The following FBXL7 variants were observed in gnomAD, a reference collection of about 807,000 sequenced individuals.
The protein encoded by FBXL7 is F-box/LRR-repeat protein 7.
A neutral mutation model predicts 38.3 loss-of-function variants in FBXL7; 12 were observed. The observed-to-expected ratio is 0.31, with a 90% CI of 0.20 to 0.51. The LOEUF is 0.51. Ranked by LOEUF, FBXL7 falls within the 20% of genes least tolerant of loss-of-function variation. The pLI is 0.98. For synonymous variants in FBXL7, 297 were observed against 300.9 expected (o/e 0.99, Z 0.13); for missense variants, 567 against 676.4 (o/e 0.84, Z 1.79).
At chr5:15,658,683 C>T (rs568730403) in intron 2 of FBXL7, among the ~76,000 whole-genome samples, 45 of 152,072 alleles carry the variant, frequency 3.0e-4, no homozygotes, top group Admixed American at 1.1e-3. Flanking sequence ...GGGTTGTGAT[C>T]GATTGAGCAA....
intron 1 of FBXL7, among the ~76,000 whole-genome samples, chr5:15,551,671 C>T (rs553630586): frequency 2.0e-5 from 3 of 152,282 alleles, no homozygotes; most frequent in Non-Finnish European, 2.9e-5. Context: ...ATTTATAAAA[C>T]ATATTAAGGA....
At chr5:15,639,136 A>G (rs533973368) in intron 2 of FBXL7, among the ~76,000 whole-genome samples, 1 of 152,218 alleles carries the variant, frequency 6.6e-6, no homozygotes, top group Non-Finnish European at 1.5e-5. Context: ...TCTCTGGCAC[A>G]GTGATTTATT....
intron 2 of FBXL7, among the ~76,000 whole-genome samples, chr5:15,828,293 A>G (rs1241119560): frequency 1.3e-5 from 2 of 152,234 alleles, no homozygotes; most frequent in African/African-American, 2.4e-5. Flanking sequence ...ATAAAGATAT[A>G]TAACACCCAG....
At chr5:15,511,909 G>A (rs2126357605) in intron 1 of FBXL7, among the ~76,000 whole-genome samples, 1 of 152,314 alleles carries the variant, frequency 6.6e-6, no homozygotes, top group East Asian at 1.9e-4. Context: ...ATTATTATGA[G>A]AATGCGGAGT....
At chr5:15,611,269 C>T (rs894137423) in intron 1 of FBXL7, among the ~76,000 whole-genome samples, 1 of 151,810 alleles carries the variant, frequency 6.6e-6, no homozygotes, top group African/African-American at 2.4e-5. Context: ...TCTCAGCTCT[C>T]CTACTATGCA....
intron 2 of FBXL7, among the ~76,000 whole-genome samples, chr5:15,878,178 TC>T (rs1740289058): frequency 2.0e-5 from 3 of 152,206 alleles, no homozygotes; most frequent in African/African-American, 2.4e-5. Flanking sequence ...GTCAGCCACA[TC>T]TTTTTGAACA....
chr5:15,901,404 A>T (rs1050938470), intron 2 of FBXL7, among the ~76,000 whole-genome samples: 1 of 152,176 alleles, frequency 6.6e-6, no homozygotes, highest in Non-Finnish European at 1.5e-5. Flanking sequence ...TGACCTAATC[A>T]CGTCCCAAAG....
At chr5:15,846,258 T>G (rs1738900580) in intron 2 of FBXL7, among the ~76,000 whole-genome samples, 1 of 152,254 alleles carries the variant, frequency 6.6e-6, no homozygotes, top group African/African-American at 2.4e-5. Context: ...CATCTTCTAA[T>G]GTTTGAAGAG....
chr5:15,721,350 G>A (rs1316694475), intron 2 of FBXL7, among the ~76,000 whole-genome samples: 1 of 151,994 alleles, frequency 6.6e-6, no homozygotes, highest in African/African-American at 2.4e-5. Flanking sequence ...TGAAGGACTT[G>A]GTCTCAAGGT....
intron 2 of FBXL7, among the ~76,000 whole-genome samples, chr5:15,838,685 C>T (rs2126781126): frequency 6.6e-6 from 1 of 152,190 alleles, no homozygotes; most frequent in South Asian, 2.1e-4. Context: ...TTCTTTTACC[C>T]TTGATTTCTT....
rs554753218 is a variant in FBXL7, at chr5:15,897,105, C to A, written c.128-30785C>A. Among the ~76,000 whole-genome samples, 4 of 152,286 alleles carry A rather than the reference C, an allele frequency of 2.6e-5. No homozygotes were observed. In the South Asian group the frequency reaches 8.3e-4, roughly 32 times the overall value. On this transcript the variant is annotated intron_variant, in intron 2 of 3. Transcript: ENST00000504595. The stretch of plus-strand genomic sequence containing the variant: ...CTGAGATTGTGCCACTGCACTCCAG[C>A]CTGGGTGATGGAGTGAGACTCTATC...
intron 2 of FBXL7, among the ~76,000 whole-genome samples, chr5:15,798,391 A>AT (rs1737471594): frequency 6.6e-6 from 1 of 152,168 alleles, no homozygotes; most frequent in Non-Finnish European, 1.5e-5. Flanking sequence ...CTTTGGATTA[A>AT]TTTAACTTCT....
intron 2 of FBXL7, among the ~76,000 whole-genome samples, chr5:15,773,828 G>C (rs182524468): frequency 1.3e-5 from 2 of 152,236 alleles, no homozygotes; most frequent in Non-Finnish European, 2.9e-5. Context: ...GGAACAGGGG[G>C]ATGAGTGAAA....
At chr5:15,687,043 G>A (rs1334170708) in intron 2 of FBXL7, among the ~76,000 whole-genome samples, 3 of 152,190 alleles carry the variant, frequency 2.0e-5, no homozygotes, top group Admixed American at 2.0e-4. Context: ...GGGCTGGCAG[G>A]TTGTGGATCC....
At chr5:15,533,085 C>T (rs1052274027) in intron 1 of FBXL7, among the ~76,000 whole-genome samples, 1 of 152,120 alleles carries the variant, frequency 6.6e-6, no homozygotes, top group Non-Finnish European at 1.5e-5. Context: ...TGGGGATATC[C>T]AGTGGACATT....
chr5:15,874,319 G>T (rs1740107527), intron 2 of FBXL7, among the ~76,000 whole-genome samples: 1 of 152,146 alleles, frequency 6.6e-6, no homozygotes, highest in Non-Finnish European at 1.5e-5. Context: ...TATACTGAAT[G>T]GACAAAAGCT....
intron 2 of FBXL7, among the ~76,000 whole-genome samples, chr5:15,778,025 A>ACCTAT (rs1736901717): frequency 1.3e-5 from 2 of 152,092 alleles, no homozygotes; most frequent in African/African-American, 2.4e-5. Context: ...TATTTTGGTT[A>ACCTAT]CCTATATTCA....
chr5:15,568,182 A>G (rs569956789), intron 1 of FBXL7, among the ~76,000 whole-genome samples: 135 of 152,158 alleles, frequency 8.9e-4, no homozygotes, highest in African/African-American at 3.0e-3. Flanking sequence ...ACTGACTTCC[A>G]CAATGGTTGA....
chr5:15,906,484 A>T (rs1167764752), intron 2 of FBXL7, among the ~76,000 whole-genome samples: 49 of 113,172 alleles, frequency 4.3e-4, no homozygotes, highest in African/African-American at 5.6e-4. Context: ...CATAATTATT[A>T]TTTTTTAGTT....
Sources: allele counts gnomAD v4.1 joint callset (sites outside exome capture counted in the v4.1 genomes callset), GRCh38; gene constraint gnomAD v4.1.1; transcripts MANE v1.5; gene names NCBI Gene and HGNC (gene_info 2026-07-23, HGNC 2026-07-21).